Variants in NEXN observed in about 807,000 individuals in gnomAD.
The protein encoded by NEXN is nexilin F-actin binding protein.
Under a neutral mutation model 92.6 loss-of-function variants are expected in NEXN, and 65 were observed. The ratio of observed to expected loss-of-function variants is 0.70; its 90% CI spans 0.57 to 0.86. NEXN has a LOEUF of 0.86. Among genes scored for constraint, NEXN ranks in the 40% least tolerant of loss-of-function variants. The pLI is 0.00. For synonymous variants in NEXN, 254 were observed against 242.5 expected, an observed-to-expected ratio of 1.05 and a Z score of -0.44; for missense variants, 778 against 771.1, an observed-to-expected ratio of 1.01 and a Z score of -0.11.
intron 11 of NEXN, among the ~76,000 whole-genome samples, chr1:77,938,407 T>C (rs895424093): frequency 2.6e-5 from 4 of 152,038 alleles, no homozygotes; most frequent in Admixed American, 2.0e-4. Flanking sequence ...TCCCGGCACT[T>C]TGGGAGGCCG....
At chr1:77,895,843 C>T (rs752034282) in intron 1 of NEXN, among the ~76,000 whole-genome samples, 4 of 151,112 alleles carry the variant, frequency 2.6e-5, no homozygotes, top group African/African-American at 4.9e-5. Context: ...CCAGCCTGGG[C>T]GACAGAGCAA....
At chr1:77,932,587 T>C (rs1650391859) in intron 9 of NEXN, among the ~76,000 whole-genome samples, 1 of 152,206 alleles carries the variant, frequency 6.6e-6, no homozygotes, top group Non-Finnish European at 1.5e-5. Flanking sequence ...TTAACTTAAA[T>C]GCTTTAATTA....
chr1:77,899,427 A>G (rs1284653130), intron 1 of NEXN, among the ~76,000 whole-genome samples: 1 of 152,092 alleles, frequency 6.6e-6, no homozygotes, highest in African/African-American at 2.4e-5. Context: ...CAAACACCGC[A>G]TGTTCTCACT....
At chr1:77,942,232 T>C in intron 12 of NEXN, 24 bp downstream of exon 12, 1 of 1,609,616 alleles carries the variant, frequency 6.2e-7, no homozygotes, top group Non-Finnish European at 8.5e-7. Flanking sequence ...GTATCCTTTA[T>C]TTTCCAAAGA....
At chr1:77,893,232 C>T (rs183208976) in intron 1 of NEXN, among the ~76,000 whole-genome samples, 3 of 152,188 alleles carry the variant, frequency 2.0e-5, no homozygotes, top group African/African-American at 7.2e-5. Context: ...ACTCCTACAG[C>T]TTGGCTATAA....
intron 5 of NEXN, among the ~76,000 whole-genome samples, chr1:77,918,661 T>G (rs1649179973): frequency 8.0e-6 from 1 of 125,438 alleles, no homozygotes; most frequent in South Asian, 2.8e-4. Context: ...GCAAGACCTA[T>G]CTCAAAGAAA....
intron 1 of NEXN, among the ~76,000 whole-genome samples, chr1:77,894,743 T>A (rs1647185592): frequency 6.6e-6 from 1 of 151,456 alleles, no homozygotes. Flanking sequence ...AGAGATGGAG[T>A]CTTGCTCTGT....
chr1:77,896,379 T>A (rs1192417101), intron 1 of NEXN, among the ~76,000 whole-genome samples: 1 of 152,124 alleles, frequency 6.6e-6, no homozygotes, highest in East Asian at 1.9e-4. Flanking sequence ...TGACTCTTGC[T>A]TGGGTTCATT....
chr1:77,931,793 G>C (rs1230670104), intron 9 of NEXN: 1 of 152,138 alleles, frequency 6.6e-6, no homozygotes, highest in African/African-American at 2.4e-5. Flanking sequence ...AAATAGTTCT[G>C]TGGTAAAGCC....
intron 1 of NEXN, among the ~76,000 whole-genome samples, chr1:77,906,050 G>A (rs778758244): frequency 6.6e-6 from 1 of 151,896 alleles, no homozygotes; most frequent in Non-Finnish European, 1.5e-5. Flanking sequence ...GAAAGCTGGG[G>A]GCAAACAACA....
chr1:77,916,853 A>G (rs777262425), intron 2 of NEXN, among the ~76,000 whole-genome samples: 1 of 152,178 alleles, frequency 6.6e-6, no homozygotes, highest in Non-Finnish European at 1.5e-5. Context: ...TCAGTCTTCT[A>G]CCAGATTCCC....
At chr1:77,920,019 T>TC (rs974553283) in intron 5 of NEXN, among the ~76,000 whole-genome samples, 1 of 151,726 alleles carries the variant, frequency 6.6e-6, no homozygotes, top group African/African-American at 2.4e-5. Context: ...CCTGCTTCAG[T>TC]CTCCCGAGTA....
At position 77,917,782 on chromosome 1, in the gene NEXN, G is replaced by A. The variant is rs1749913; in HGVS notation, c.219+25G>A. 0.84 allele frequency: 1,315,004 copies of A among 1,565,030 alleles called. 554,503 individuals are homozygous for A. Among genetic ancestry groups the A allele is most frequent in the Middle Eastern group, 0.87 (5,160 of 5,940 alleles). ...GGTTATTTTATTTTACTTTATTCTC[G>A]TGAAAATATTTGTTTGCATTTTTTC... is the stretch of plus-strand genomic sequence containing the variant. On this transcript the variant is annotated intron_variant, in intron 3 of 12. Coordinates refer to ENST00000334785, the MANE Select transcript of NEXN (RefSeq NM_144573.4).
chr1:77,935,144 A>G (rs1452067984), intron 10 of NEXN, among the ~76,000 whole-genome samples: 1 of 151,712 alleles, frequency 6.6e-6, no homozygotes, highest in Non-Finnish European at 1.5e-5. Context: ...GCTCACTACA[A>G]CCTCCACCTC....
At chr1:77,902,261 CCTT>C (rs1199730720) in intron 1 of NEXN, among the ~76,000 whole-genome samples, 1 of 152,064 alleles carries the variant, frequency 6.6e-6, no homozygotes, top group Non-Finnish European at 1.5e-5. Flanking sequence ...ATTTTCTCCT[CCTT>C]TATTTGGTTT....
rs564645235 is a variant in NEXN at position 77,892,889 on chromosome 1, C to T, written c.-53+4130C>T. On this transcript the variant is annotated intron_variant, in intron 1 of 12. Transcript: ENST00000334785. ...TAATCTTTTTTTTTTTTTTTTGAGA[C>T]GGAGTCTTGCTTTGTCACCCAGGCT... Among the ~76,000 whole-genome samples, 282 of 143,160 alleles carry T rather than the reference C, an allele frequency of 2.0e-3. 1 individual carries two copies. The highest frequency in any genetic ancestry group is 7.0e-3 in the African/African-American group (269 of 38,568). 93.9% of individuals were successfully genotyped at this position (143,160 alleles called of 152,430 possible). A position where few individuals can be genotyped will look rare whatever the true frequency, so the allele number is the denominator to read the frequency against.
intron 6 of NEXN, among the ~76,000 whole-genome samples, chr1:77,925,528 T>C (rs189755772): frequency 1.7e-3 from 257 of 152,338 alleles, no homozygotes; most frequent in African/African-American, 6.0e-3. Flanking sequence ...TACTAACAGC[T>C]GAGATTGTTG....
chr1:77,938,152 A>G (rs1281352383), intron 11 of NEXN, among the ~76,000 whole-genome samples: 1 of 152,208 alleles, frequency 6.6e-6, no homozygotes, highest in African/African-American at 2.4e-5. Flanking sequence ...AGATGCTGTG[A>G]AACATCAACC....
At chr1:77,930,351 T>C (rs1650188967) in intron 9 of NEXN, among the ~76,000 whole-genome samples, 3 of 152,288 alleles carry the variant, frequency 2.0e-5, no homozygotes, top group Middle Eastern at 3.4e-3. Flanking sequence ...ACCTCCTAAA[T>C]CACTATGAAA....
Sources: allele counts gnomAD v4.1 joint callset (sites outside exome capture counted in the v4.1 genomes callset), GRCh38; gene constraint gnomAD v4.1.1; transcripts MANE v1.5; gene names NCBI Gene and HGNC (gene_info 2026-07-23, HGNC 2026-07-21).